The following KCNB2 variants were observed in gnomAD, a reference collection of about 807,000 sequenced individuals.
The protein encoded by KCNB2 is delayed rectifier potassium channel protein.
A neutral mutation model predicts 61.5 loss-of-function variants in KCNB2; 15 were observed. That is an observed-to-expected ratio of 0.24 (90% CI 0.16 to 0.38). The LOEUF (loss-of-function observed/expected upper bound fraction) is 0.38, where lower values mean the gene tolerates loss of function less well. KCNB2 is among the 10% of genes least tolerant of loss of function. The pLI is 1.00. For synonymous variants in KCNB2, 457 were observed against 446.0 expected, an observed-to-expected ratio of 1.02 and a Z score of -0.31; for missense variants, 828 against 1,125.2, an observed-to-expected ratio of 0.74 and a Z score of 3.78.
intron 2 of KCNB2, among the ~76,000 whole-genome samples, chr8:72,872,406 T>C (rs1798434925): frequency 6.6e-6 from 1 of 152,208 alleles, no homozygotes. Context: ...TTTGATGTGG[T>C]CTTCTGCAGT....
rs986211750 is a variant in KCNB2 at position 72,937,679 on chromosome 8, C to T, written c.2324C>T (p.Ala775Val). ...CCCTTGCTGGGCACTGAGGTTTCAGCGCCTTGTCAGGGACCTTCCAAAGGG... is the reference window on the plus strand; with the variant it reads ...CCCTTGCTGGGCACTGAGGTTTCAGTGCCTTGTCAGGGACCTTCCAAAGGG... The part of the protein sequence containing the change: ...DRPLLGTEVS[A>V]PCQGPSKGLS... Residue 775 changes from alanine to valine, a missense_variant, in exon 3 of 3, where the codon GCG (alanine) becomes GTG (valine). Physicochemically the swap from Ala to Val is moderately conservative, Grantham distance 64. Coordinates refer to ENST00000523207, the MANE Select transcript of KCNB2 (RefSeq NM_004770.3). 15 of 1,613,812 alleles carry T rather than the reference C, an allele frequency of 9.3e-6. No individual in the cohort carries two copies. In the Middle Eastern group the frequency reaches 9.9e-4, roughly 106 times the overall value.
chr8:72,708,519 G>A (rs1382013188), intron 2 of KCNB2, among the ~76,000 whole-genome samples: 1 of 152,180 alleles, frequency 6.6e-6, no homozygotes, highest in Non-Finnish European at 1.5e-5. Context: ...CATTATCTTA[G>A]AGTGAATGCT....
chr8:72,666,123 A>C (rs933186748), intron 2 of KCNB2, among the ~76,000 whole-genome samples: 1 of 152,194 alleles, frequency 6.6e-6, no homozygotes. Context: ...TGACACTATG[A>C]ACTTTTCAAA....
chr8:72,769,601 C>T (rs930396326), intron 2 of KCNB2, among the ~76,000 whole-genome samples: 2 of 152,060 alleles, frequency 1.3e-5, no homozygotes, highest in Non-Finnish European at 2.9e-5. Flanking sequence ...TCAGGGAGTT[C>T]CACTGGACTG....
At chr8:72,814,532 G>T (rs1809359173) in intron 2 of KCNB2, among the ~76,000 whole-genome samples, 1 of 152,074 alleles carries the variant, frequency 6.6e-6, no homozygotes, top group Non-Finnish European at 1.5e-5. Context: ...TAGCCATGCT[G>T]TGCAATCCAC....
At chr8:72,546,180 G>C (rs1015948134) in intron 1 of KCNB2, among the ~76,000 whole-genome samples, 6 of 55,346 alleles carry the variant, frequency 1.1e-4, no homozygotes, top group Non-Finnish European at 1.5e-4. Context: ...GCAGAGGTTG[G>C]TTCACAGGTT....
At chr8:72,774,338 T>C (rs895069345) in intron 2 of KCNB2, among the ~76,000 whole-genome samples, 6 of 152,198 alleles carry the variant, frequency 3.9e-5, no homozygotes, top group African/African-American at 1.4e-4. Flanking sequence ...TTTGTCATCT[T>C]CTGTCATCTT....
chr8:72,784,871 C>T (rs1276231820), intron 2 of KCNB2, among the ~76,000 whole-genome samples: 2 of 152,110 alleles, frequency 1.3e-5, no homozygotes, highest in African/African-American at 2.4e-5. Flanking sequence ...GCTTGCCCCT[C>T]ATCCCCTGCA....
intron 2 of KCNB2, among the ~76,000 whole-genome samples, chr8:72,851,824 A>T (rs1810115206): frequency 2.6e-5 from 3 of 114,570 alleles, no homozygotes; most frequent in East Asian, 3.6e-4. Flanking sequence ...TAGAAGCTGT[A>T]GGAAAAAAAA....
chr8:72,750,032 A>G lies in KCNB2; in HGVS notation c.579+181719A>G, dbSNP rs73688767. 4.9e-3 allele frequency among the ~76,000 whole-genome samples: 737 copies of G among 151,804 alleles called. 7 individuals carry two copies. The highest frequency in any genetic ancestry group is 0.017 in the African/African-American group (698 of 41,432). On this transcript the variant is annotated intron_variant, in intron 2 of 2. Coordinates refer to ENST00000523207, the MANE Select transcript of KCNB2 (RefSeq NM_004770.3). ...TTTTGTGTTTATCAAAGATTTTACC[A>G]TCTATATTTACAGACTTAAACTACA...
chr8:72,711,249 C>G (rs1807320744), intron 2 of KCNB2, among the ~76,000 whole-genome samples: 1 of 152,212 alleles, frequency 6.6e-6, no homozygotes, highest in African/African-American at 2.4e-5. Context: ...TCTGCATAGC[C>G]CAACACAACC....
At chr8:72,594,055 G>A (rs1807146175) in intron 2 of KCNB2, among the ~76,000 whole-genome samples, 1 of 152,164 alleles carries the variant, frequency 6.6e-6, no homozygotes, top group Non-Finnish European at 1.5e-5. Flanking sequence ...AGAAAGATAA[G>A]TGAAACTAGC....
intron 1 of KCNB2, among the ~76,000 whole-genome samples, chr8:72,541,259 T>C (rs1282223746): frequency 6.6e-6 from 1 of 151,960 alleles, no homozygotes; most frequent in Non-Finnish European, 1.5e-5. Context: ...TTTATTTTAT[T>C]GACGTATATA....
chr8:72,862,127 C>T (rs2129004093), intron 2 of KCNB2, among the ~76,000 whole-genome samples: 1 of 152,222 alleles, frequency 6.6e-6, no homozygotes, highest in East Asian at 1.9e-4. Flanking sequence ...GCAAGACTGT[C>T]TCAAAAAATC....
chr8:72,810,756 G>A (rs995338565), intron 2 of KCNB2, among the ~76,000 whole-genome samples: 3 of 152,140 alleles, frequency 2.0e-5, no homozygotes, highest in Admixed American at 6.5e-5. Context: ...TTAAAAAGAG[G>A]TATTTTTCAA....
intron 2 of KCNB2, among the ~76,000 whole-genome samples, chr8:72,761,033 A>G (rs1001521658): frequency 2.0e-5 from 3 of 152,278 alleles, no homozygotes; most frequent in Admixed American, 1.3e-4. Context: ...GCTTTTGACT[A>G]TTGTACAACC....
At chr8:72,882,045 T>C (rs979229920) in intron 2 of KCNB2, among the ~76,000 whole-genome samples, 1 of 152,166 alleles carries the variant, frequency 6.6e-6, no homozygotes, top group Non-Finnish European at 1.5e-5. Flanking sequence ...CCAATTCTAA[T>C]TTTTTTCTTC....
At chr8:72,566,533 C>G (rs1459441688) in intron 1 of KCNB2, among the ~76,000 whole-genome samples, 1 of 34,120 alleles carries the variant, frequency 2.9e-5, no homozygotes, top group African/African-American at 2.7e-4. Flanking sequence ...GACCCTGTCT[C>G]TAAAAAAAAA....
At chr8:72,771,711 G>C (rs909945596) in intron 2 of KCNB2, among the ~76,000 whole-genome samples, 1 of 152,068 alleles carries the variant, frequency 6.6e-6, no homozygotes, top group South Asian at 2.1e-4. Flanking sequence ...CAAGCAGAGG[G>C]TGTCAGAAGA....
Sources: allele counts gnomAD v4.1 joint callset (sites outside exome capture counted in the v4.1 genomes callset), GRCh38; gene constraint gnomAD v4.1.1; transcripts MANE v1.5; gene names NCBI Gene and HGNC (gene_info 2026-07-23, HGNC 2026-07-21).